Variants in CEMIP observed in about 807,000 individuals in gnomAD.
CEMIP encodes cell migration-inducing and hyaluronan-binding protein.
A neutral mutation model predicts 156.9 loss-of-function variants in CEMIP; 105 were observed. The observed-to-expected ratio is 0.67, with a 90% confidence interval of 0.57 to 0.79. The LOEUF is 0.79. Among genes scored for constraint, CEMIP ranks in the 30% least tolerant of loss-of-function variants. The pLI is 0.00. For missense variants in CEMIP, 1,457 were observed against 1,769.4 expected (o/e 0.82, Z 3.17); for synonymous variants, 676 against 668.4 (o/e 1.01, Z -0.17).
chr15:80,791,649 T>C (rs1896084425), intron 1 of CEMIP, among the ~76,000 whole-genome samples: 1 of 152,178 alleles, frequency 6.6e-6, no homozygotes. Flanking sequence ...GACCGATGCA[T>C]CCCTGTTTGC....
At chr15:80,796,044 A>T (rs1298607067) in intron 1 of CEMIP, among the ~76,000 whole-genome samples, 1 of 152,254 alleles carries the variant, frequency 6.6e-6, no homozygotes, top group African/African-American at 2.4e-5. Flanking sequence ...AAATATTTTC[A>T]TAAAGAGGTG....
At chr15:80,837,603 G>A (rs1897296437) in intron 1 of CEMIP, among the ~76,000 whole-genome samples, 1 of 152,190 alleles carries the variant, frequency 6.6e-6, no homozygotes, top group African/African-American at 2.4e-5. Flanking sequence ...GTTGCCACTG[G>A]TTGGCTGGAA....
intron 28 of CEMIP, among the ~76,000 whole-genome samples, chr15:80,944,229 G>A (rs372375928): frequency 8.5e-5 from 13 of 152,306 alleles, no homozygotes; most frequent in African/African-American, 2.6e-4. Context: ...GCAGTGAGCC[G>A]AGATTGCGCA....
At position 80,848,599 on chromosome 15, in the gene CEMIP, A is replaced by G. The variant is rs546095522; in HGVS notation, c.-175-24939A>G. Reference sequence around the variant, plus strand: ...TTTATGGAGGATCTCTCTTGGGGTTATTCTTCCAAGGAGCATCAGCAAGAA... The same window carrying G: ...TTTATGGAGGATCTCTCTTGGGGTTGTTCTTCCAAGGAGCATCAGCAAGAA... On this transcript the variant is annotated intron_variant, in intron 1 of 29. Coordinates refer to ENST00000394685, the MANE Select transcript of CEMIP (RefSeq NM_001293298.2). Among the ~76,000 whole-genome samples the G allele has an allele frequency of 3.3e-5, 5 of 152,244 alleles. No individual in the cohort carries two copies. The South Asian group carries it at 1.0e-3, about 32-fold the overall frequency.
In CEMIP at chr15:80,815,696, TA is replaced by T. The variant is rs929567572; in HGVS notation, c.-176+36090del. 2.3e-4 allele frequency among the ~76,000 whole-genome samples: 35 copies of T among 152,092 alleles called. 1 individual carries two copies. In the East Asian group the frequency reaches 2.5e-3, roughly 11 times the overall value. On this transcript the variant is annotated intron_variant, in intron 1 of 29. Transcript: ENST00000394685. ...TTAAATAGTCTAACTCTGTGCCTTT[TA>T]AAAAAAATTAAAGATCATGTTTTAT...
At chr15:80,852,115 C>T (rs1479604859) in intron 1 of CEMIP, among the ~76,000 whole-genome samples, 1 of 152,176 alleles carries the variant, frequency 6.6e-6, no homozygotes, top group Non-Finnish European at 1.5e-5. Context: ...ATTGAGAGTT[C>T]ACTGCTGTCT....
rs977168126 is a variant in CEMIP at position 80,784,490 on chromosome 15, C to T, written c.-176+4876C>T. 2.0e-5 allele frequency among the ~76,000 whole-genome samples: 3 copies of T among 152,094 alleles called. 1 individual carries two copies. The highest frequency in any genetic ancestry group is 1.9e-4 in the East Asian group (1 of 5,186). On this transcript the variant is annotated intron_variant, in intron 1 of 29. Coordinates refer to ENST00000394685, the MANE Select transcript of CEMIP (RefSeq NM_001293298.2). ...TAAGGTATGCACTCAGCCCTTGGGACGAGGAAAGTGCAGTGGCCTGGAGGA... is the reference window on the plus strand; with the variant it reads ...TAAGGTATGCACTCAGCCCTTGGGATGAGGAAAGTGCAGTGGCCTGGAGGA...
chr15:80,793,354 A>G (rs1430207636), intron 1 of CEMIP, among the ~76,000 whole-genome samples: 1 of 152,194 alleles, frequency 6.6e-6, no homozygotes, highest in Admixed American at 6.5e-5. Flanking sequence ...ACTTGTCATT[A>G]TGCATAACTA....
At chr15:80,792,556 A>G (rs548117265) in intron 1 of CEMIP, among the ~76,000 whole-genome samples, 3 of 152,192 alleles carry the variant, frequency 2.0e-5, no homozygotes, top group Non-Finnish European at 4.4e-5. Context: ...GAACTAATAC[A>G]CGGCAACTTC....
chr15:80,947,229 G>A, intron 29 of CEMIP, 164 bp downstream of exon 29: 1 of 613,830 alleles, frequency 1.6e-6, no homozygotes, highest in South Asian at 2.0e-5. Context: ...TGGAATGGAT[G>A]GGCAAGATGC....
chr15:80,891,253 T>C (rs976777308), intron 10 of CEMIP, among the ~76,000 whole-genome samples: 1 of 152,184 alleles, frequency 6.6e-6, no homozygotes, highest in Non-Finnish European at 1.5e-5. Context: ...CACCTCTCAG[T>C]GCCAGGAAAA....
intron 21 of CEMIP, 41 bp downstream of exon 21, chr15:80,929,215 A>C: frequency 6.2e-7 from 1 of 1,612,860 alleles, no homozygotes; most frequent in South Asian, 1.1e-5. Flanking sequence ...TGAGTGGCTT[A>C]ACCTAAGTGG....
At chr15:80,783,701 C>G (rs1272598033) in intron 1 of CEMIP, among the ~76,000 whole-genome samples, 1 of 152,242 alleles carries the variant, frequency 6.6e-6, no homozygotes, top group African/African-American at 2.4e-5. Flanking sequence ...ATCTGCACCT[C>G]TTTGCTTTAG....
rs1899829908 is a variant in CEMIP at position 80,906,879 on chromosome 15, G to A, written c.1587+41G>A. On this transcript the variant is annotated intron_variant, in intron 13 of 29. Coordinates refer to ENST00000394685, the MANE Select transcript of CEMIP (RefSeq NM_001293298.2). This position sits in a 1 kb window ranked among gnomAD's most constrained non-coding sequence, Gnocchi z 4.3. Reference sequence around the variant, plus strand: ...GCAGAGTCTTTCAACCCAACCAGGAGAGTTCCTATGATGTCAGCCTCTAGA... The same window carrying A: ...GCAGAGTCTTTCAACCCAACCAGGAAAGTTCCTATGATGTCAGCCTCTAGA... 6.4e-7 allele frequency: 1 copy of A among 1,573,904 alleles called. No homozygotes were observed. Among genetic ancestry groups the A allele is most frequent in the African/African-American group, 1.4e-5 (1 of 74,070 alleles).
chr15:80,840,406 C>A (rs1420533481), intron 1 of CEMIP, among the ~76,000 whole-genome samples: 1 of 152,122 alleles, frequency 6.6e-6, no homozygotes, highest in Non-Finnish European at 1.5e-5. Context: ...CTGGCAGGGA[C>A]CCCGGCTGGC....
At chr15:80,807,387 T>C (rs2019049) in intron 1 of CEMIP, among the ~76,000 whole-genome samples, 147,980 of 152,234 alleles carry the variant, frequency 0.97, 72,044 homozygotes, top group Non-Finnish European at 1. Flanking sequence ...CATGCCACTA[T>C]GCCTGCTAAT....
At chr15:80,919,178 A>G (rs116802414) in intron 14 of CEMIP, among the ~76,000 whole-genome samples, 3,333 of 152,252 alleles carry the variant, frequency 0.022, 112 homozygotes, top group African/African-American at 0.075. Flanking sequence ...GGCTTGATGC[A>G]CGTCTTGGGC....
Position 80,887,732 on chromosome 15 carries a change from C to A in CEMIP, c.836C>A (p.Ser279Ter), listed in dbSNP as rs1307551024. Reference sequence around the variant, plus strand: ...TTTCTAACTGTGAAAGGAAATCCATCATCTTCAGTGGAAGACCATATTGAA... The same window carrying A: ...TTTCTAACTGTGAAAGGAAATCCATAATCTTCAGTGGAAGACCATATTGAA... ...WSFLTVKGNPSSSVEDHIEYH... is the reference protein window; with the variant it reads ...WSFLTVKGNP Residue 279 changes from serine (S) to a stop codon, truncating the protein, a stop_gained, in exon 8 of 30, where the codon TCA becomes TAA. Transcript: ENST00000394685. LOFTEE classifies it high-confidence loss of function. The A allele has an allele frequency of 6.2e-7, 1 of 1,613,500 alleles. No individual in the cohort carries two copies. Among genetic ancestry groups the A allele is most frequent in the Non-Finnish European group, 8.5e-7 (1 of 1,179,850 alleles).
chr15:80,931,932 G>A lies in CEMIP; in HGVS notation c.2686G>A (p.Val896Met). The A allele has an allele frequency of 6.2e-7, 1 of 1,614,228 alleles. No individual in the cohort carries two copies. Among genetic ancestry groups the A allele is most frequent in the Non-Finnish European group, 8.5e-7 (1 of 1,180,046 alleles). The change falls in exon 22 of 30, where the codon GTG becomes ATG. Residue 896 changes from valine to methionine, a missense_variant. Transcript: ENST00000394685. ...NIQNCTFRKF[V>M]ALEGRHTSAL... ...CCAAAACTGCACTTTCCGAAAGTTT[G>A]TGGCCCTGGAGGGCCGGCACACCAG...
Sources: gnomAD v4.1 joint callset for allele counts (sites outside exome capture counted in the v4.1 genomes callset) on GRCh38, gnomAD v4.1.1 for gene constraint, Gnocchi (gnomAD v3.1) non-coding constraint, MANE v1.5 for transcripts, NCBI Gene and HGNC (gene_info 2026-07-23, HGNC 2026-07-21) for gene names.